SLC9A7: variants seen among roughly 807,000 people sequenced by gnomAD.
The protein encoded by SLC9A7 is solute carrier family 9 member A7.
In SLC9A7, 19 loss-of-function variants were observed where a neutral mutation model predicts 52.6. The ratio of observed to expected loss-of-function variants is 0.36; its 90% CI spans 0.25 to 0.53. SLC9A7 has a LOEUF of 0.53. Among genes scored for constraint, SLC9A7 ranks in the 20% least tolerant of loss-of-function variants. SLC9A7 has a pLI of 0.91. For missense variants in SLC9A7, 455 were observed against 597.9 expected, an observed-to-expected ratio of 0.76 and a Z score of 2.49; for synonymous variants, 226 against 252.1, an observed-to-expected ratio of 0.90 and a Z score of 0.98.
chrX:46,620,233 C>A (rs1290771088), intron 15 of SLC9A7, among the ~76,000 whole-genome samples: 1 of 110,083 alleles, frequency 9.1e-6, no homozygotes, highest in Non-Finnish European at 1.9e-5. Context: ...CCAGCCTGGG[C>A]AATATGGCGA....
intron 5 of SLC9A7, among the ~76,000 whole-genome samples, chrX:46,668,312 C>A (rs987338095): frequency 3.6e-5 from 4 of 111,097 alleles, no homozygotes; most frequent in African/African-American, 1.3e-4. Context: ...GAGTTTGAGA[C>A]CAGACTGACC....
Position 46,604,456 on chromosome X carries a change from AG to A in SLC9A7, c.*2495del, listed in dbSNP as rs1227463643. The A allele has an allele frequency of 9.4e-6, 1 of 106,880 alleles. No individual in the cohort carries two copies. The highest frequency in any genetic ancestry group is 3.5e-5 in the African/African-American group (1 of 28,968). 8.8% of individuals were successfully genotyped at this position (106,880 alleles called of 1,213,427 possible). A position where few individuals can be genotyped will look rare whatever the true frequency, so the allele number is the denominator to read the frequency against. On this transcript the variant is annotated 3_prime_UTR_variant, in exon 17 of 17. Coordinates refer to ENST00000616978, the MANE Select transcript of SLC9A7 (RefSeq NM_001257291.2). ...TGTATTTTTTTTTTTTTTTTGAGGC[AG>A]GGTCTCATTCTGTTGCCCAGACTGG...
Position 46,651,528 on chromosome X carries a change from G to A in SLC9A7, c.1148-124C>T. On this transcript the variant is annotated intron_variant, in intron 8 of 16. Transcript: ENST00000616978. ...CATATCCAACTTCCTGAATATTTTTGAAACTTTCCTATTGCTGGGTCGGGC... is the reference window on the plus strand; with the variant it reads ...CATATCCAACTTCCTGAATATTTTTAAAACTTTCCTATTGCTGGGTCGGGC... 5.6e-6 allele frequency: 3 copies of A among 533,724 alleles called. No homozygotes were observed. The South Asian group carries it at 8.7e-5, about 15-fold the overall frequency. 44.0% of individuals were successfully genotyped at this position (533,724 alleles called of 1,213,427 possible). A position where few individuals can be genotyped will look rare whatever the true frequency, so the allele number is the denominator to read the frequency against.
intron 11 of SLC9A7, among the ~76,000 whole-genome samples, chrX:46,643,774 C>T (rs187869914): frequency 2.3e-4 from 26 of 112,115 alleles, no homozygotes; most frequent in African/African-American, 7.5e-4. Flanking sequence ...AGGCTAGGTA[C>T]GAGTATGTCA....
At chrX:46,655,270 C>T (rs1269522977) in intron 7 of SLC9A7, among the ~76,000 whole-genome samples, 2 of 111,559 alleles carry the variant, frequency 1.8e-5, no homozygotes, top group Admixed American at 9.5e-5. Context: ...CAGGTGTGAG[C>T]CACCACGCCC....
intron 1 of SLC9A7, chrX:46,725,543 G>T (rs1196936110): frequency 3.2e-6 from 3 of 951,053 alleles, no homozygotes; most frequent in Non-Finnish European, 4.6e-6. Context: ...TGGTATAATT[G>T]GCTTGTTCTA....
At chrX:46,678,412 T>TTGTATTTA (rs1556148044) in intron 3 of SLC9A7, among the ~76,000 whole-genome samples, 26 of 91,000 alleles carry the variant, frequency 2.9e-4, no homozygotes, top group African/African-American at 8.5e-4. Context: ...TGGCATTTGT[T>TTGTATTTA]TTTATTTATT....
chrX:46,655,684 C>T (rs1268445512), intron 7 of SLC9A7, among the ~76,000 whole-genome samples: 1 of 112,641 alleles, frequency 8.9e-6, no homozygotes, highest in East Asian at 2.8e-4. Flanking sequence ...AACAGCGCAC[C>T]AGGAGATTAT....
chrX:46,617,033 C>T (rs997452965), intron 15 of SLC9A7, among the ~76,000 whole-genome samples: 2 of 111,449 alleles, frequency 1.8e-5, no homozygotes, highest in Admixed American at 9.6e-5. Context: ...AAGTCTCTGT[C>T]CTCTCCTTTC....
chrX:46,643,253 C>T lies in SLC9A7; in HGVS notation c.1599G>A (p.Leu533=), dbSNP rs1386550894. ...AAACCAACCTGATGTTAAGCCATGA[C>T]AACATGGGTGTCGTGCCTCCTCCAA... ...WIIGGGTTPM[L]SWLNIRVGVE... The change falls in exon 12 of 17, where the codon TTG becomes TTA. Residue 533 remains leucine (L), a synonymous_variant. Transcript: ENST00000616978. 6.6e-6 allele frequency: 8 copies of T among 1,207,804 alleles called. No individual in the cohort carries two copies. The highest frequency in any genetic ancestry group is 1.8e-5 in the African/African-American group (1 of 57,095).
intron 1 of SLC9A7, among the ~76,000 whole-genome samples, chrX:46,713,052 C>T (rs1180463361): frequency 1.8e-5 from 2 of 112,487 alleles, no homozygotes; most frequent in Non-Finnish European, 3.8e-5. Context: ...GCATTGTGTG[C>T]TATTTAATTC....
intron 5 of SLC9A7, among the ~76,000 whole-genome samples, chrX:46,668,382 C>T (rs920286932): frequency 9.0e-6 from 1 of 111,251 alleles, no homozygotes; most frequent in African/African-American, 3.3e-5. Flanking sequence ...CATGGTGGTG[C>T]ATGCCTATAA....
At chrX:46,629,387 A>G (rs1050037605) in intron 14 of SLC9A7, among the ~76,000 whole-genome samples, 11 of 112,263 alleles carry the variant, frequency 9.8e-5, no homozygotes, top group African/African-American at 3.6e-4. Flanking sequence ...AAGAACCCTC[A>G]GCACTTTGGA....
chrX:46,725,526 G>A, intron 1 of SLC9A7: 2 of 955,399 alleles, frequency 2.1e-6, no homozygotes, highest in Non-Finnish European at 3.0e-6. Context: ...GTCCTTCAAT[G>A]ACTGGATGGT....
chrX:46,649,106 C>T (rs1247990689), intron 10 of SLC9A7, among the ~76,000 whole-genome samples: 1 of 110,848 alleles, frequency 9.0e-6, no homozygotes, highest in East Asian at 2.8e-4. Context: ...ATCCATCTAT[C>T]TAAATCTATC....
At position 46,600,172 on chromosome X, in the gene SLC9A7, TCA is replaced by T. The variant is rs776701117; in HGVS notation, c.*6778_*6779del. On this transcript the variant is annotated 3_prime_UTR_variant, in exon 17 of 17. Transcript: ENST00000616978. ...TCTCCAAAGCCCACAATTGGAATAA[TCA>T]CAACACAAGTCAGCCCCTAAATGTC... 2 of 112,216 alleles carry T rather than the reference TCA, an allele frequency of 1.8e-5. No individual in the cohort carries two copies. The highest frequency in any genetic ancestry group is 5.6e-4 in the East Asian group (2 of 3,587). 9.2% of individuals were successfully genotyped at this position (112,216 alleles called of 1,213,427 possible).
Position 46,599,450 on chromosome X carries a change from A to AAAAT in SLC9A7, c.*7498_*7501dup, listed in dbSNP as rs1329594673. On this transcript the variant is annotated 3_prime_UTR_variant, in exon 17 of 17. Coordinates refer to ENST00000616978, the MANE Select transcript of SLC9A7 (RefSeq NM_001257291.2). ...CTACCAACAGATGATACTTTACTTT[A>AAAAT]AAATACAAAACAAAATTAGCTCAGC... The AAAAT allele has an allele frequency of 8.9e-6, 1 of 112,302 alleles. No homozygotes were observed. Among genetic ancestry groups the AAAAT allele is most frequent in the African/African-American group, 3.2e-5 (1 of 30,874 alleles). 9.3% of individuals were successfully genotyped at this position (112,302 alleles called of 1,213,427 possible). A position where few individuals can be genotyped will look rare whatever the true frequency, so the allele number is the denominator to read the frequency against.
intron 8 of SLC9A7, among the ~76,000 whole-genome samples, chrX:46,652,869 G>T (rs1447971024): frequency 8.9e-6 from 1 of 111,837 alleles, no homozygotes; most frequent in Non-Finnish European, 1.9e-5. Flanking sequence ...AAATAGCCCA[G>T]AAACAAAACA....
Position 46,634,407 on chromosome X carries a change from A to C in SLC9A7, c.1676+1182T>G, listed in dbSNP as rs150452886. ...TCTGATTAACAGATAAAATGCCATA[A>C]AATCTCGGAAAGTTTAGAAGTATTC... is the stretch of plus-strand genomic sequence containing the variant. On this transcript the variant is annotated intron_variant, in intron 13 of 16. Transcript: ENST00000616978. Among the ~76,000 whole-genome samples, 952 of 111,546 alleles carry C rather than the reference A, an allele frequency of 8.5e-3. 8 individuals are homozygous for C. The highest frequency in any genetic ancestry group is 0.03 in the African/African-American group (912 of 30,677).
Sources: gnomAD v4.1 joint callset for allele counts (sites outside exome capture counted in the v4.1 genomes callset) on GRCh38, gnomAD v4.1.1 for gene constraint, MANE v1.5 for transcripts, NCBI Gene and HGNC (gene_info 2026-07-23, HGNC 2026-07-21) for gene names.